Variants in PLA2G4A observed in about 807,000 individuals in gnomAD.
The protein encoded by PLA2G4A is cytosolic phospholipase A2.
PLA2G4A carries 40 observed loss-of-function variants against 81.9 expected under a neutral mutation model. That is an observed-to-expected ratio of 0.49 (90% confidence interval 0.38 to 0.64). The LOEUF (loss-of-function observed/expected upper bound fraction) is 0.64. Ranked by LOEUF, PLA2G4A falls within the 30% of genes least tolerant of loss-of-function variation. The pLI, the probability that PLA2G4A is intolerant of heterozygous loss-of-function variation, is 0.00. For synonymous variants in PLA2G4A, 302 were observed against 296.9 expected (o/e 1.02, Z -0.18); for missense variants, 715 against 905.1 (o/e 0.79, Z 2.69).
intron 17 of PLA2G4A, among the ~76,000 whole-genome samples, chr1:186,984,617 G>T (rs1657834129): frequency 1.3e-5 from 2 of 152,096 alleles, no homozygotes; most frequent in Non-Finnish European, 2.9e-5. Flanking sequence ...CTTGATAAGG[G>T]TGTGTAGGTA....
chr1:186,845,270 G>A (rs1255169750), intron 1 of PLA2G4A, among the ~76,000 whole-genome samples: 4 of 152,100 alleles, frequency 2.6e-5, no homozygotes, highest in Non-Finnish European at 4.4e-5. Flanking sequence ...ACTTGCATGA[G>A]TTGAGGCAGT....
At chr1:186,894,301 A>G (rs1654258526) in intron 5 of PLA2G4A, 90 bp downstream of exon 5, 1 of 719,424 alleles carries the variant, frequency 1.4e-6, no homozygotes, top group Non-Finnish European at 2.6e-6. Flanking sequence ...GGAAAATTGT[A>G]TTTATTTGTT....
chr1:186,984,093 C>A (rs1363734874), intron 17 of PLA2G4A, among the ~76,000 whole-genome samples: 2 of 152,130 alleles, frequency 1.3e-5, no homozygotes, highest in African/African-American at 4.8e-5. Context: ...ATACTGATCA[C>A]AATGCCTGAC....
chr1:186,965,636 C>T lies in PLA2G4A; in HGVS notation c.1764+43C>T, dbSNP rs749300426. ...AGCATTCCATTCTCTACCACATTCT[C>T]TTGCTTGCCTTATAGATCTCTTAGT... On this transcript the variant is annotated intron_variant, in intron 15 of 17. Transcript: ENST00000367466. 4 of 1,351,952 alleles carry T rather than the reference C, an allele frequency of 3.0e-6. No individual in the cohort carries two copies. The South Asian group carries it at 4.7e-5, about 16-fold the overall frequency. The allele number at this position is 1,351,952 out of a possible 1,614,324, so 83.7% of individuals were successfully genotyped here. A position where few individuals can be genotyped will look rare whatever the true frequency, so the allele number is the denominator to read the frequency against.
chr1:186,928,171 A>C (rs1655616991), intron 7 of PLA2G4A, among the ~76,000 whole-genome samples: 1 of 152,096 alleles, frequency 6.6e-6, no homozygotes, highest in Non-Finnish European at 1.5e-5. Flanking sequence ...AGCAGGTTAG[A>C]TATCCAAGGG....
intron 7 of PLA2G4A, among the ~76,000 whole-genome samples, chr1:186,924,805 C>T (rs781613097): frequency 6.6e-6 from 1 of 152,150 alleles, no homozygotes. Context: ...TGGTTGCTCT[C>T]ACCTGTAATC....
rs768169444 is a variant in PLA2G4A at position 186,949,309 on chromosome 1, GAGAA to G, written c.1265-1343_1265-1340del. ...AGAAAAAGAAGGAAAAAGAAAGAAA[GAGAA>G]AGAAGGAAGGAAGGAAGGAAAGAAG... On this transcript the variant is annotated intron_variant, in intron 12 of 17. Transcript: ENST00000367466. Among the ~76,000 whole-genome samples the G allele has an allele frequency of 7.0e-4, 95 of 135,588 alleles. 1 individual carries two copies. The highest frequency in any genetic ancestry group is 1.3e-3 in the Non-Finnish European group (82 of 62,270). 89.0% of individuals were successfully genotyped at this position (135,588 alleles called of 152,430 possible). A position where few individuals can be genotyped will look rare whatever the true frequency, so the allele number is the denominator to read the frequency against.
intron 5 of PLA2G4A, among the ~76,000 whole-genome samples, chr1:186,897,599 C>T (rs1231645931): frequency 6.6e-6 from 1 of 152,162 alleles, no homozygotes; most frequent in East Asian, 1.9e-4. Context: ...ACTTCTGCCT[C>T]CCAAGTTCAA....
intron 3 of PLA2G4A, among the ~76,000 whole-genome samples, chr1:186,875,588 C>A (rs186471001): frequency 2.0e-5 from 3 of 152,040 alleles, no homozygotes; most frequent in Admixed American, 1.3e-4. Context: ...CAAATATATT[C>A]TTTCCCTCAT....
intron 1 of PLA2G4A, among the ~76,000 whole-genome samples, chr1:186,847,357 CGTGTGT>C (rs34724808): frequency 8.2e-5 from 12 of 146,266 alleles, no homozygotes; most frequent in East Asian, 8.1e-4. Flanking sequence ...TTATTTCATA[CGTGTGT>C]GTGTGTGTGT....
At chr1:186,900,083 T>C (rs1300807416) in intron 5 of PLA2G4A, among the ~76,000 whole-genome samples, 1 of 152,198 alleles carries the variant, frequency 6.6e-6, no homozygotes, top group Non-Finnish European at 1.5e-5. Flanking sequence ...ACTGTATTTG[T>C]TGGAGTCAAA....
chr1:186,834,051 G>A (rs1392100209), intron 1 of PLA2G4A, among the ~76,000 whole-genome samples: 2 of 152,048 alleles, frequency 1.3e-5, no homozygotes, highest in Non-Finnish European at 1.5e-5. Flanking sequence ...AAAAAAATCG[G>A]TATTTTAGGT....
At position 186,949,360 on chromosome 1, in the gene PLA2G4A, GAGAA is replaced by G. The variant is rs1312070684; in HGVS notation, c.1265-1287_1265-1284del. ...GAAGAAAGAAAGAGAAAGAAAGAAA[GAGAA>G]AGAAAGAAAAGAAAGAAAGAAAGAA... On this transcript the variant is annotated intron_variant, in intron 12 of 17. Coordinates refer to ENST00000367466, the MANE Select transcript of PLA2G4A (RefSeq NM_024420.3). 8.8e-3 allele frequency among the ~76,000 whole-genome samples: 960 copies of G among 108,910 alleles called. 16 individuals carry two copies. The highest frequency in any genetic ancestry group is 0.033 in the African/African-American group (897 of 27,126). The allele number at this position is 108,910 out of a possible 152,430, so 71.4% of individuals were successfully genotyped here.
rs116691521 is a variant in PLA2G4A at position 186,938,619 on chromosome 1, A to G, written c.696-389A>G. Among the ~76,000 whole-genome samples, 311 of 152,274 alleles carry G rather than the reference A, an allele frequency of 2.0e-3. 1 individual carries two copies. The highest frequency in any genetic ancestry group is 7.1e-3 in the African/African-American group (296 of 41,568). ...TCATCCTGGAAATTTAGATGATCAG[A>G]TTGCTTGACTAGTCTTGGAGCCAGA... On this transcript the variant is annotated intron_variant, in intron 8 of 17. Coordinates refer to ENST00000367466, the MANE Select transcript of PLA2G4A (RefSeq NM_024420.3).
intron 8 of PLA2G4A, among the ~76,000 whole-genome samples, chr1:186,934,173 A>T (rs1165674399): frequency 4.0e-5 from 6 of 151,856 alleles, no homozygotes; most frequent in Admixed American, 3.9e-4. Context: ...TTTTGTTATT[A>T]TTCTTTGAGT....
intron 2 of PLA2G4A, among the ~76,000 whole-genome samples, chr1:186,866,354 G>A (rs1653029736): frequency 6.6e-6 from 1 of 152,098 alleles, no homozygotes; most frequent in South Asian, 2.1e-4. Flanking sequence ...TAAAGAGATG[G>A]GCACAGACAC....
chr1:186,868,006 AC>A (rs1653094385), intron 2 of PLA2G4A, among the ~76,000 whole-genome samples: 1 of 150,678 alleles, frequency 6.6e-6, no homozygotes, highest in African/African-American at 2.4e-5. Context: ...AAATTAATAG[AC>A]TGTTGAATGC....
At chr1:186,950,953 A>G (rs1419569922) in intron 13 of PLA2G4A, among the ~76,000 whole-genome samples, 1 of 152,220 alleles carries the variant, frequency 6.6e-6, no homozygotes, top group Non-Finnish European at 1.5e-5. Flanking sequence ...CAAAAATACT[A>G]TAAGTTGAAC....
At chr1:186,889,003 T>C (rs12042344) in intron 3 of PLA2G4A, among the ~76,000 whole-genome samples, 20,985 of 152,188 alleles carry the variant, frequency 0.14, 1,778 homozygotes, top group East Asian at 0.37. Flanking sequence ...CTATTCTAAA[T>C]ATGGAGTTTT....
Sources: allele counts gnomAD v4.1 joint callset (sites outside exome capture counted in the v4.1 genomes callset), GRCh38; gene constraint gnomAD v4.1.1; transcripts MANE v1.5; gene names NCBI Gene and HGNC (gene_info 2026-07-23, HGNC 2026-07-21).